LCLAT1: variants seen among roughly 807,000 people sequenced by gnomAD.
The protein encoded by LCLAT1 is 1-AGP acyltransferase 8.
A neutral mutation model predicts 30.7 loss-of-function variants in LCLAT1; 11 were observed. That is an observed-to-expected ratio of 0.36 (90% CI 0.23 to 0.59). The LOEUF (loss-of-function observed/expected upper bound fraction) is 0.59, where lower values mean the gene tolerates loss of function less well. Among genes scored for constraint, LCLAT1 ranks in the 20% least tolerant of loss-of-function variants. The probability of loss-of-function intolerance (pLI) is 0.77; values close to 1 mark genes in which losing one functional copy is unlikely to be tolerated. For missense variants in LCLAT1, 402 were observed against 458.6 expected, an observed-to-expected ratio of 0.88 and a Z score of 1.13; for synonymous variants, 155 against 151.3, an observed-to-expected ratio of 1.02 and a Z score of -0.18.
At chr2:30,471,536 G>A (rs1301279797) in intron 1 of LCLAT1, among the ~76,000 whole-genome samples, 2 of 152,068 alleles carry the variant, frequency 1.3e-5, no homozygotes, top group Non-Finnish European at 2.9e-5. Flanking sequence ...CCCTAAACCT[G>A]GTATATCCTT....
intron 3 of LCLAT1, among the ~76,000 whole-genome samples, chr2:30,541,816 C>T (rs973828520): frequency 2.2e-5 from 3 of 138,534 alleles, no homozygotes; most frequent in African/African-American, 5.1e-5. Flanking sequence ...ACAATTTTTC[C>T]CCTTTTACAT....
At position 30,504,311 on chromosome 2, in the gene LCLAT1, TTATTA is replaced by T. The variant is rs201954150; in HGVS notation, c.-4-21270_-4-21266del. Among the ~76,000 whole-genome samples, 661 of 122,448 alleles carry T rather than the reference TTATTA, an allele frequency of 5.4e-3. 7 individuals are homozygous for T. The highest frequency in any genetic ancestry group is 0.017 in the African/African-American group (628 of 36,276). 80.3% of individuals were successfully genotyped at this position (122,448 alleles called of 152,430 possible). Reference sequence around the variant, plus strand: ...TTTCTGACTTCATCACTTAGTTCTTTTATTATATTAATAATTTTTCTGGCTGTGTC... The same window carrying T: ...TTTCTGACTTCATCACTTAGTTCTTTTATTAATAATTTTTCTGGCTGTGTC... On this transcript the variant is annotated intron_variant, in intron 1 of 5. Transcript: ENST00000379509.
intron 1 of LCLAT1, among the ~76,000 whole-genome samples, chr2:30,489,995 A>T (rs979467898): frequency 6.6e-6 from 1 of 152,318 alleles, no homozygotes; most frequent in Admixed American, 6.5e-5. Context: ...TATACTCTGC[A>T]CCAGTTGCTG....
Position 30,525,627 on chromosome 2 carries a change from C to T in LCLAT1, c.37C>T (p.Leu13=). The change falls in exon 2 of 6, where the codon CTG becomes TTG. Residue 13 remains leucine (L), a synonymous_variant. Transcript: ENST00000379509. ...GAAAGGGATTTACTTTATACTGACTCTGTTTTGGGGAAGCTTTTTTGGAAG... is the reference window on the plus strand; with the variant it reads ...GAAAGGGATTTACTTTATACTGACTTTGTTTTGGGGAAGCTTTTTTGGAAG... ...SWKGIYFILT[L]FWGSFFGSIF... is the part of the protein sequence containing the mutation. 1 of 1,613,956 alleles carries T rather than the reference C, an allele frequency of 6.2e-7. No homozygotes were observed. The highest frequency in any genetic ancestry group is 1.3e-5 in the African/African-American group (1 of 75,044).
intron 5 of LCLAT1, among the ~76,000 whole-genome samples, chr2:30,577,071 AG>A (rs1195389413): frequency 6.7e-6 from 1 of 150,276 alleles, no homozygotes; most frequent in East Asian, 1.9e-4. Context: ...TATTTTGCAT[AG>A]ATTATATTTT....
chr2:30,464,503 A>G (rs549160432), intron 1 of LCLAT1, among the ~76,000 whole-genome samples: 117 of 152,354 alleles, frequency 7.7e-4, no homozygotes, highest in African/African-American at 2.7e-3. Flanking sequence ...TGTTGGGGCA[A>G]TAAGAAAATC....
chr2:30,490,083 AT>A (rs746820652), intron 1 of LCLAT1, among the ~76,000 whole-genome samples: 2 of 151,546 alleles, frequency 1.3e-5, no homozygotes, highest in African/African-American at 2.4e-5. Flanking sequence ...TATCACCCCT[AT>A]TTTTTACAAC....
intron 2 of LCLAT1, among the ~76,000 whole-genome samples, chr2:30,528,926 C>T (rs983730343): frequency 3.1e-4 from 47 of 152,148 alleles, no homozygotes; most frequent in Admixed American, 1.3e-4. Flanking sequence ...AGATAGTGAA[C>T]ATCTCTGTTG....
intron 3 of LCLAT1, among the ~76,000 whole-genome samples, chr2:30,540,248 T>A (rs1664066652): frequency 6.6e-6 from 1 of 152,248 alleles, no homozygotes; most frequent in South Asian, 2.1e-4. Flanking sequence ...GTTCTTCATA[T>A]TTTTAGAAAG....
intron 1 of LCLAT1, among the ~76,000 whole-genome samples, chr2:30,462,252 C>T (rs1038026850): frequency 6.6e-6 from 1 of 152,106 alleles, no homozygotes; most frequent in African/African-American, 2.4e-5. Flanking sequence ...TATTGTGTTT[C>T]TTGGATGGGG....
At chr2:30,585,088 G>A (rs1666373831) in intron 5 of LCLAT1, among the ~76,000 whole-genome samples, 1 of 152,014 alleles carries the variant, frequency 6.6e-6, no homozygotes, top group South Asian at 2.1e-4. Flanking sequence ...TCACGATGAT[G>A]GGCTCATTTT....
At chr2:30,534,638 A>G (rs1411146444) in intron 3 of LCLAT1, among the ~76,000 whole-genome samples, 2 of 152,140 alleles carry the variant, frequency 1.3e-5, no homozygotes, top group Admixed American at 6.5e-5. Context: ...CACTTTTCCA[A>G]TATAGTGATC....
At chr2:30,563,712 A>C (rs891678202) in intron 4 of LCLAT1, among the ~76,000 whole-genome samples, 1 of 152,224 alleles carries the variant, frequency 6.6e-6, no homozygotes, top group Non-Finnish European at 1.5e-5. Flanking sequence ...GTAAATAAAC[A>C]TACTATTCAT....
intron 3 of LCLAT1, among the ~76,000 whole-genome samples, chr2:30,560,865 C>A (rs1028395400): frequency 6.6e-6 from 1 of 152,138 alleles, no homozygotes; most frequent in Non-Finnish European, 1.5e-5. Flanking sequence ...CTGGCTAGGA[C>A]TTGTGGAGAT....
At chr2:30,569,877 G>GC (rs1205837582) in intron 5 of LCLAT1, among the ~76,000 whole-genome samples, 1 of 152,120 alleles carries the variant, frequency 6.6e-6, no homozygotes, top group Non-Finnish European at 1.5e-5. Context: ...ATTAGTGAGT[G>GC]CCCATCTACC....
At chr2:30,502,095 GA>G (rs1277181839) in intron 1 of LCLAT1, among the ~76,000 whole-genome samples, 1 of 152,090 alleles carries the variant, frequency 6.6e-6, no homozygotes, top group Non-Finnish European at 1.5e-5. Flanking sequence ...AGGGAGGGAG[GA>G]AAAAACCAGT....
rs368061652 is a variant in LCLAT1 at position 30,639,453 on chromosome 2, G to A, written c.629-664G>A. On this transcript the variant is annotated intron_variant, in intron 5 of 5. Transcript: ENST00000379509. Reference sequence around the variant, plus strand: ...GGATACAGGATCAGGGTCTTACTTGGAGTTCAAGTTTATTTATCTATTTAT... The same window carrying A: ...GGATACAGGATCAGGGTCTTACTTGAAGTTCAAGTTTATTTATCTATTTAT... 8.6e-5 allele frequency among the ~76,000 whole-genome samples: 13 copies of A among 150,572 alleles called. No homozygotes were observed. In the South Asian group the frequency reaches 2.2e-3, roughly 25 times the overall value.
chr2:30,571,075 G>A (rs1665758103), intron 5 of LCLAT1, among the ~76,000 whole-genome samples: 1 of 152,146 alleles, frequency 6.6e-6, no homozygotes, highest in Non-Finnish European at 1.5e-5. Context: ...ATTTATTTGA[G>A]TTTTAGGTTT....
In LCLAT1 at chr2:30,574,224, A is replaced by T. The variant is rs183071534; in HGVS notation, c.628+6048A>T. On this transcript the variant is annotated intron_variant, in intron 5 of 5. Transcript: ENST00000379509. ...AAGGGAAAATAGGGGTAAATTTTTT[A>T]AAAACTAGATGTGAAGTTACATTAC... Among the ~76,000 whole-genome samples, 581 of 152,220 alleles carry T rather than the reference A, an allele frequency of 3.8e-3. 5 individuals are homozygous for T. Among genetic ancestry groups the T allele is most frequent in the African/African-American group, 0.013 (546 of 41,546 alleles).
Sources: allele counts gnomAD v4.1 joint callset (sites outside exome capture counted in the v4.1 genomes callset), GRCh38; gene constraint gnomAD v4.1.1; transcripts MANE v1.5; gene names NCBI Gene and HGNC (gene_info 2026-07-23, HGNC 2026-07-21).